Variants in KLHL1 observed in about 807,000 individuals in gnomAD.
KLHL1 encodes kelch like family member 1.
In KLHL1, 47 loss-of-function variants were observed where a neutral mutation model predicts 77.7. The ratio of observed to expected loss-of-function variants is 0.60; its 90% CI spans 0.48 to 0.77. The LOEUF (loss-of-function observed/expected upper bound fraction) is 0.77, where lower values mean the gene tolerates loss of function less well. KLHL1 is among the 30% of genes least tolerant of loss of function. The pLI is 0.00. For missense variants in KLHL1, 925 were observed against 910.8 expected, an observed-to-expected ratio of 1.02 and a Z score of -0.20; for synonymous variants, 360 against 325.2, an observed-to-expected ratio of 1.11 and a Z score of -1.15.
At chr13:70,081,397 G>A (rs566751290) in intron 1 of KLHL1, among the ~76,000 whole-genome samples, 39 of 152,254 alleles carry the variant, frequency 2.6e-4, no homozygotes, top group African/African-American at 9.4e-4. Context: ...TGGGTCCACT[G>A]CTTTTTCATC....
intron 4 of KLHL1, chr13:69,895,234 G>A: frequency 3.9e-6 from 2 of 518,988 alleles, no homozygotes; most frequent in South Asian, 2.8e-5. Context: ...TTTGCTGGCA[G>A]CATCTGGTCC....
chr13:70,103,310 C>T (rs1413866028), intron 1 of KLHL1, among the ~76,000 whole-genome samples: 1 of 152,100 alleles, frequency 6.6e-6, no homozygotes, highest in Non-Finnish European at 1.5e-5. Flanking sequence ...GAATGGCCTA[C>T]ATAGCAGACA....
At chr13:69,804,881 T>A (rs1024310136) in intron 6 of KLHL1, among the ~76,000 whole-genome samples, 1 of 152,104 alleles carries the variant, frequency 6.6e-6, no homozygotes, top group Non-Finnish European at 1.5e-5. Context: ...CATTTTGGAA[T>A]AGTTTAAAAT....
chr13:70,076,201 G>C (rs9572351), intron 1 of KLHL1, among the ~76,000 whole-genome samples: 2 of 151,614 alleles, frequency 1.3e-5, no homozygotes, highest in African/African-American at 4.9e-5. Flanking sequence ...AAAAGGTAAA[G>C]TCGGAGGATT....
intron 7 of KLHL1, among the ~76,000 whole-genome samples, chr13:69,752,074 A>G (rs1262418552): frequency 6.6e-6 from 1 of 152,116 alleles, no homozygotes; most frequent in African/African-American, 2.4e-5. Flanking sequence ...TCTAACCCAT[A>G]GTGTTGTTAC....
chr13:70,017,340 C>T (rs1885682832), intron 1 of KLHL1, among the ~76,000 whole-genome samples: 1 of 152,240 alleles, frequency 6.6e-6, no homozygotes, highest in Non-Finnish European at 1.5e-5. Context: ...TGTCTCCCAA[C>T]TTCTGGAAGC....
chr13:69,724,887 T>TA (rs1873228138), intron 8 of KLHL1, among the ~76,000 whole-genome samples: 2 of 152,208 alleles, frequency 1.3e-5, no homozygotes, highest in African/African-American at 2.4e-5. Flanking sequence ...ATTTGCCCAG[T>TA]AAAAAATCTA....
chr13:69,740,650 C>T (rs1873951768), intron 7 of KLHL1, 94 bp from the exon 8 acceptor site: 3 of 819,498 alleles, frequency 3.7e-6, no homozygotes, highest in South Asian at 3.3e-5. Context: ...TGTTAAGTGT[C>T]CCTAACATAA....
In KLHL1 at chr13:69,707,794, T is replaced by C; in HGVS notation, c.2018A>G (p.Tyr673Cys). Residue 673 changes from tyrosine (Y) to cysteine (C), a missense_variant and splice_region_variant, in exon 10 of 11, where the codon TAT (tyrosine) becomes TGT (cysteine). Transcript: ENST00000377844. ...GGTCCAAGTGTCTGTTTTGGGATCATATCTAAAATTCAATGACAATAGTAC... is the reference window on the plus strand; with the variant it reads ...GGTCCAAGTGTCTGTTTTGGGATCACATCTAAAATTCAATGACAATAGTAC... ...CSRLLDYVER[Y>C]DPKTDTWTMV... 2 of 1,611,704 alleles carry C rather than the reference T, an allele frequency of 1.2e-6. No individual in the cohort carries two copies. Among genetic ancestry groups the C allele is most frequent in the Non-Finnish European group, 8.5e-7 (1 of 1,178,506 alleles).
chr13:70,034,726 T>C (rs903171121), intron 1 of KLHL1, among the ~76,000 whole-genome samples: 4 of 152,180 alleles, frequency 2.6e-5, no homozygotes, highest in African/African-American at 9.6e-5. Context: ...ATTTAGGAAA[T>C]TATACACCAT....
chr13:69,748,937 T>C (rs1171542918), intron 7 of KLHL1, among the ~76,000 whole-genome samples: 1 of 152,032 alleles, frequency 6.6e-6, no homozygotes. Context: ...GCAAGTAACA[T>C]GTTCCCAGGA....
chr13:69,865,669 A>G (rs1880341917), intron 5 of KLHL1, among the ~76,000 whole-genome samples: 1 of 152,166 alleles, frequency 6.6e-6, no homozygotes, highest in Non-Finnish European at 1.5e-5. Flanking sequence ...GTGGAGATTT[A>G]AAACATTTTA....
intron 4 of KLHL1, among the ~76,000 whole-genome samples, chr13:69,903,155 T>G (rs563214032): frequency 6.6e-6 from 1 of 152,294 alleles, no homozygotes; most frequent in South Asian, 2.1e-4. Context: ...GGATTGGTCA[T>G]GTACTCTAAG....
chr13:69,788,728 T>G (rs1355490327), intron 7 of KLHL1, among the ~76,000 whole-genome samples: 1 of 152,038 alleles, frequency 6.6e-6, no homozygotes. Flanking sequence ...TGATAGACAG[T>G]GTATAAATAA....
chr13:70,003,033 A>G (rs943466996), intron 1 of KLHL1, among the ~76,000 whole-genome samples: 9 of 151,716 alleles, frequency 5.9e-5, no homozygotes, highest in Non-Finnish European at 7.4e-5. Context: ...TTTACAAAGC[A>G]CTTTTAAAAA....
At position 69,700,621 on chromosome 13, in the gene KLHL1, A is replaced by T. The variant is rs1009816600; in HGVS notation, c.*1081T>A. On this transcript the variant is annotated 3_prime_UTR_variant, in exon 11 of 11. Transcript: ENST00000377844. The stretch of plus-strand genomic sequence containing the variant: ...ATGCAAATTTTTTGATCATTTATTA[A>T]TTGTAATTAAAATTTACATGGGCCT... The T allele has an allele frequency of 1.3e-5, 2 of 152,422 alleles. No individual in the cohort carries two copies. Among genetic ancestry groups the T allele is most frequent in the African/African-American group, 2.4e-5 (1 of 41,420 alleles). 9.4% of individuals were successfully genotyped at this position (152,422 alleles called of 1,614,324 possible).
intron 6 of KLHL1, among the ~76,000 whole-genome samples, chr13:69,832,535 T>C (rs1357354335): frequency 6.7e-6 from 1 of 149,492 alleles, no homozygotes; most frequent in Non-Finnish European, 1.5e-5. Flanking sequence ...AAAAGCAATC[T>C]AAAAATTCAA....
chr13:69,960,317 C>T (rs1208178993), intron 3 of KLHL1, among the ~76,000 whole-genome samples: 9 of 152,038 alleles, frequency 5.9e-5, no homozygotes, highest in Non-Finnish European at 1.3e-4. Context: ...CCTTAAACTA[C>T]GTTCCTGCTG....
intron 9 of KLHL1, among the ~76,000 whole-genome samples, chr13:69,712,771 TTGGG>T (rs779934526): frequency 0.11 from 15,248 of 134,600 alleles, 1,056 homozygotes; most frequent in African/African-American, 0.16. Context: ...TTTTTTTTTT[TTGGG>T]GGGGGGGTTT....
Sources: allele counts gnomAD v4.1 joint callset (sites outside exome capture counted in the v4.1 genomes callset), GRCh38; gene constraint gnomAD v4.1.1; transcripts MANE v1.5; gene names NCBI Gene and HGNC (gene_info 2026-07-23, HGNC 2026-07-21).